The following MED13L variants were observed in gnomAD, a reference collection of about 807,000 sequenced individuals.
The protein encoded by MED13L is mediator of RNA polymerase II transcription subunit 13-like.
In MED13L, 7 loss-of-function variants were observed where a neutral mutation model predicts 220.9. The observed-to-expected ratio is 0.03, with a 90% CI of 0.02 to 0.06. The LOEUF is 0.06. MED13L is among the 10% of genes least tolerant of loss of function. The pLI is 1.00. For missense variants in MED13L, 1,965 were observed against 2,760.5 expected (o/e 0.71, Z 6.46); for synonymous variants, 1,011 against 1,015.2 (o/e 1.00, Z 0.08).
At chr12:116,239,458 A>AC (rs1870413817) in intron 1 of MED13L, among the ~76,000 whole-genome samples, 1 of 152,208 alleles carries the variant, frequency 6.6e-6, no homozygotes, top group Non-Finnish European at 1.5e-5. Flanking sequence ...TTAAAGTTGG[A>AC]ACCATATTGC....
chr12:116,219,326 C>A (rs1311415601), intron 2 of MED13L, among the ~76,000 whole-genome samples: 1 of 152,044 alleles, frequency 6.6e-6, no homozygotes, highest in Non-Finnish European at 1.5e-5. Context: ...CTTAAAAAAT[C>A]TAATTAGCAT....
At chr12:116,086,710 G>A (rs1039831722) in intron 4 of MED13L, among the ~76,000 whole-genome samples, 8 of 151,936 alleles carry the variant, frequency 5.3e-5, no homozygotes, top group Non-Finnish European at 1.0e-4. Context: ...TAATTTCTAC[G>A]AACCATACTT....
rs908529479 is a variant in MED13L at position 115,970,256 on chromosome 12, C to T, written c.6067+338G>A. On this transcript the variant is annotated intron_variant, in intron 27 of 30. Transcript: ENST00000281928. ...AAAGGAAGGTGCTCTCTTCATATTG[C>T]TTAGTACTTCACACATTTCAAATCA... 3.9e-5 allele frequency among the ~76,000 whole-genome samples: 6 copies of T among 152,150 alleles called. 1 individual carries two copies. Among genetic ancestry groups the T allele is most frequent in the African/African-American group, 1.4e-4 (6 of 41,426 alleles).
intron 4 of MED13L, among the ~76,000 whole-genome samples, chr12:116,027,385 G>A (rs965923016): frequency 6.6e-6 from 1 of 151,534 alleles, no homozygotes; most frequent in Non-Finnish European, 1.5e-5. Context: ...TCATGCCACT[G>A]AACTCCAGCC....
intron 1 of MED13L, among the ~76,000 whole-genome samples, chr12:116,247,151 G>T (rs1593206153): frequency 6.6e-6 from 1 of 151,902 alleles, no homozygotes; most frequent in African/African-American, 2.4e-5. Flanking sequence ...GGTAAAATAG[G>T]GGCAGGAGCA....
rs1455079822 is a variant in MED13L, at chr12:116,277,189, G to A, written c.-58C>T. The A allele has an allele frequency of 8.5e-6, 11 of 1,296,806 alleles. No individual in the cohort carries two copies. In the Admixed American group the frequency reaches 2.5e-4, roughly 29 times the overall value. The allele number at this position is 1,296,806 out of a possible 1,614,324, so 80.3% of individuals were successfully genotyped here. A position where few individuals can be genotyped will look rare whatever the true frequency, so the allele number is the denominator to read the frequency against. ...CATGTCGGAGCGAGGCGTCCGAGGC[G>A]AGGCCGGGCCGGGCGGCGGCGCCTC... On this transcript the variant is annotated 5_prime_UTR_variant, in exon 1 of 31. Coordinates refer to ENST00000281928, the MANE Select transcript of MED13L (RefSeq NM_015335.5).
At chr12:116,228,531 A>G (rs1869231215) in intron 2 of MED13L, among the ~76,000 whole-genome samples, 1 of 152,062 alleles carries the variant, frequency 6.6e-6, no homozygotes. Context: ...AGAAGAGGAC[A>G]CTCGTTCATG....
intron 14 of MED13L, among the ~76,000 whole-genome samples, chr12:116,000,641 C>G (rs1418862004): frequency 1.3e-5 from 2 of 152,308 alleles, no homozygotes; most frequent in East Asian, 3.9e-4. Context: ...AAGACTCATA[C>G]TTTAAACTGA....
chr12:116,265,179 C>T (rs572162501), intron 1 of MED13L, among the ~76,000 whole-genome samples: 27 of 152,320 alleles, frequency 1.8e-4, no homozygotes, highest in Admixed American at 7.2e-4. Context: ...AGGTTCACCA[C>T]GATTGTCTCT....
At chr12:116,219,075 C>T (rs1181497670) in intron 2 of MED13L, among the ~76,000 whole-genome samples, 6 of 152,126 alleles carry the variant, frequency 3.9e-5, no homozygotes, top group African/African-American at 1.4e-4. Context: ...AAAGTGTCAA[C>T]GTAAAATAGC....
At chr12:116,270,333 G>A (rs927006000) in intron 1 of MED13L, among the ~76,000 whole-genome samples, 1 of 151,776 alleles carries the variant, frequency 6.6e-6, no homozygotes, top group Non-Finnish European at 1.5e-5. Flanking sequence ...TAGTAGAGAC[G>A]GGGTTTCACC....
intron 1 of MED13L, among the ~76,000 whole-genome samples, chr12:116,248,498 T>C (rs1002439035): frequency 6.6e-6 from 1 of 152,198 alleles, no homozygotes; most frequent in African/African-American, 2.4e-5. Flanking sequence ...AAAGGGTTCC[T>C]TTCACACCTG....
rs187903211 is a variant in MED13L, at chr12:116,013,600, T to C, written c.1176-699A>G. ...CCGGTCCCACGAACTTTGAGTAAGA[T>C]ACTCATCCTGTAAAATATTTACTAG... On this transcript the variant is annotated intron_variant, in intron 8 of 30. Transcript: ENST00000281928. 3.9e-5 allele frequency among the ~76,000 whole-genome samples: 6 copies of C among 152,336 alleles called. No individual in the cohort carries two copies. The East Asian group carries it at 9.6e-4, about 24-fold the overall frequency.
chr12:116,075,255 T>C (rs2137703809), intron 4 of MED13L, among the ~76,000 whole-genome samples: 1 of 152,368 alleles, frequency 6.6e-6, no homozygotes, highest in South Asian at 2.1e-4. Context: ...CAGTGTGACC[T>C]TGGTCAAGTT....
chr12:116,087,656 T>C (rs1183541404), intron 4 of MED13L, among the ~76,000 whole-genome samples: 3 of 152,160 alleles, frequency 2.0e-5, no homozygotes, highest in Non-Finnish European at 2.9e-5. Context: ...AATCCTATCA[T>C]CTGCCTTTCA....
chr12:115,978,516 G>A (rs1442162356), intron 23 of MED13L, among the ~76,000 whole-genome samples: 1 of 151,932 alleles, frequency 6.6e-6, no homozygotes, highest in African/African-American at 2.4e-5. Flanking sequence ...TAGTGGAGAC[G>A]GGATTTTGCC....
chr12:116,140,462 G>A (rs1876970775), intron 2 of MED13L, among the ~76,000 whole-genome samples: 1 of 152,104 alleles, frequency 6.6e-6, no homozygotes, highest in Admixed American at 6.6e-5. Flanking sequence ...TGACAAATGA[G>A]GATGTTTTAC....
intron 4 of MED13L, among the ~76,000 whole-genome samples, chr12:116,092,720 C>T (rs1482826808): frequency 6.6e-6 from 1 of 151,772 alleles, no homozygotes; most frequent in Non-Finnish European, 1.5e-5. Flanking sequence ...GGAGAGAAGA[C>T]AAAAACGATA....
intron 23 of MED13L, among the ~76,000 whole-genome samples, chr12:115,977,053 C>T (rs532832929): frequency 3.6e-4 from 55 of 152,248 alleles, no homozygotes; most frequent in African/African-American, 1.3e-3. Context: ...GTCCCAGCTA[C>T]TTGGGAGGCT....
Sources: allele counts gnomAD v4.1 joint callset (sites outside exome capture counted in the v4.1 genomes callset), GRCh38; gene constraint gnomAD v4.1.1; transcripts MANE v1.5; gene names NCBI Gene and HGNC (gene_info 2026-07-23, HGNC 2026-07-21).